The following CD99 variants were observed in gnomAD, a reference collection of about 807,000 sequenced individuals.
The protein encoded by CD99 is CD99 antigen.
A neutral mutation model predicts 28.4 loss-of-function variants in CD99; 19 were observed. That is an observed-to-expected ratio of 0.67 (90% CI 0.47 to 0.98). CD99 has a LOEUF of 0.98. Ranked by LOEUF, CD99 falls within the 50% of genes least tolerant of loss-of-function variation. The pLI, the probability that CD99 is intolerant of heterozygous loss-of-function variation, is 0.00. For synonymous variants in CD99, 103 were observed against 92.1 expected, an observed-to-expected ratio of 1.12 and a Z score of -0.67; for missense variants, 283 against 248.8, an observed-to-expected ratio of 1.14 and a Z score of -0.92.
At position 2,712,430 on chromosome X, in the gene CD99, AT is replaced by A. The variant is rs199515005; in HGVS notation, c.68-1991del. Among the ~76,000 whole-genome samples the A allele has an allele frequency of 4.0e-4, 60 of 150,118 alleles. No homozygotes were observed. In the East Asian group the frequency reaches 8.0e-3, roughly 20 times the overall value. On this transcript the variant is annotated intron_variant, in intron 1 of 9. Transcript: ENST00000381192. ...GGTAAGATGTAAATAAAGAAAAAAAATACTTCAAAAAATACAATTACAGATT... is the reference window on the plus strand; with the variant it reads ...GGTAAGATGTAAATAAAGAAAAAAAAACTTCAAAAAATACAATTACAGATT...
At chrX:2,702,988 C>T (rs1247671316) in intron 1 of CD99, among the ~76,000 whole-genome samples, 2 of 151,994 alleles carry the variant, frequency 1.3e-5, no homozygotes, top group Admixed American at 6.6e-5. Flanking sequence ...GGGGTTTCAC[C>T]GTGTTGGCCA....
At chrX:2,700,702 C>T (rs1351752031) in intron 1 of CD99, among the ~76,000 whole-genome samples, 1 of 152,022 alleles carries the variant, frequency 6.6e-6, no homozygotes, top group East Asian at 1.9e-4. Flanking sequence ...CATCCAGCCA[C>T]TCATCAATTG....
intron 1 of CD99, among the ~76,000 whole-genome samples, chrX:2,705,042 G>A (rs2048052743): frequency 6.6e-6 from 1 of 152,212 alleles, no homozygotes; most frequent in African/African-American, 2.4e-5. Flanking sequence ...AAGCTAAGAA[G>A]ACAGAGAGAC....
chrX:2,730,514 T>A (rs2049544413), intron 8 of CD99, among the ~76,000 whole-genome samples: 1 of 152,112 alleles, frequency 6.6e-6, no homozygotes, highest in Non-Finnish European at 1.5e-5. Flanking sequence ...TCTGAAGAAT[T>A]GGCTCAGGGG....
chrX:2,727,776 C>T (rs931572467), intron 8 of CD99, among the ~76,000 whole-genome samples: 2 of 152,128 alleles, frequency 1.3e-5, no homozygotes, highest in African/African-American at 4.8e-5. Context: ...CACACCTGGC[C>T]AACAGCTACT....
intron 9 of CD99, among the ~76,000 whole-genome samples, 196 bp downstream of exon 9, chrX:2,738,452 G>A (rs2050054513): frequency 6.6e-6 from 1 of 152,154 alleles, no homozygotes; most frequent in Non-Finnish European, 1.5e-5. Context: ...TAGGGCCTGG[G>A]CCTTCAGAGA....
intron 1 of CD99, among the ~76,000 whole-genome samples, chrX:2,698,914 G>C (rs1430556956): frequency 6.6e-6 from 1 of 151,270 alleles, no homozygotes; most frequent in East Asian, 2.0e-4. Context: ...GTTTATAGAC[G>C]TGTTAGGTGT....
chrX:2,700,457 C>T (rs777567968), intron 1 of CD99, among the ~76,000 whole-genome samples: 1 of 152,006 alleles, frequency 6.6e-6, no homozygotes, highest in Admixed American at 6.5e-5. Flanking sequence ...CCCATCCATC[C>T]GTTCGTCCAT....
Position 2,699,812 on chromosome X carries a change from A to G in CD99, c.67+8385A>G, listed in dbSNP as rs1347913713. Among the ~76,000 whole-genome samples the G allele has an allele frequency of 3.3e-5, 5 of 152,306 alleles. No individual in the cohort carries two copies. In the East Asian group the frequency reaches 9.6e-4, roughly 29 times the overall value. On this transcript the variant is annotated intron_variant, in intron 1 of 9. Transcript: ENST00000381192. ...GTCTTCATGTGTGGCTGAGTTGTCA[A>G]GAATCATTGTTATTTTACTAGATAT... is the stretch of plus-strand genomic sequence containing the variant.
chrX:2,718,718 G>C (rs2048858903), intron 3 of CD99, among the ~76,000 whole-genome samples: 1 of 152,126 alleles, frequency 6.6e-6, no homozygotes, highest in Non-Finnish European at 1.5e-5. Flanking sequence ...CCACGTGATG[G>C]AATTGCCCAA....
chrX:2,710,437 T>G (rs1312834222), intron 1 of CD99, among the ~76,000 whole-genome samples: 1 of 152,176 alleles, frequency 6.6e-6, no homozygotes, highest in African/African-American at 2.4e-5. Context: ...GATCATCTTC[T>G]GTTTATGAGG....
At chrX:2,737,053 G>T (rs1001294802) in intron 8 of CD99, among the ~76,000 whole-genome samples, 2 of 152,098 alleles carry the variant, frequency 1.3e-5, no homozygotes, top group South Asian at 2.1e-4. Context: ...GAGGTAGAAG[G>T]GGGGACAGGA....
chrX:2,735,752 C>A (rs1046950808), intron 8 of CD99, among the ~76,000 whole-genome samples: 1 of 152,110 alleles, frequency 6.6e-6, no homozygotes, highest in Non-Finnish European at 1.5e-5. Flanking sequence ...CGGATCATTT[C>A]GAATGTTCTT....
chrX:2,740,877 G>A lies in CD99; in HGVS notation c.*73G>A. ...AGCTGCCTGAGGCTCCTCCCTGAAGGACACCTGCCTGAGAGCAGAGATGGA... is the reference window on the plus strand; with the variant it reads ...AGCTGCCTGAGGCTCCTCCCTGAAGAACACCTGCCTGAGAGCAGAGATGGA... On this transcript the variant is annotated 3_prime_UTR_variant, in exon 10 of 10. Coordinates refer to ENST00000381192, the MANE Select transcript of CD99 (RefSeq NM_002414.5). 3 of 1,529,624 alleles carry A rather than the reference G, an allele frequency of 2.0e-6. No homozygotes were observed. Among genetic ancestry groups the A allele is most frequent in the Non-Finnish European group, 2.7e-6 (3 of 1,102,910 alleles). 94.8% of individuals were successfully genotyped at this position (1,529,624 alleles called of 1,614,324 possible).
At chrX:2,722,814 G>A (rs1179723759) in intron 6 of CD99, 140 bp downstream of exon 6, 20 of 926,386 alleles carry the variant, frequency 2.2e-5, no homozygotes, top group South Asian at 4.0e-5. Context: ...TGGGAACTCC[G>A]CCTGTTTGCT....
chrX:2,693,150 G>GTGGGT (rs770862071), intron 1 of CD99, among the ~76,000 whole-genome samples: 2 of 147,086 alleles, frequency 1.4e-5, no homozygotes, highest in African/African-American at 5.0e-5. Flanking sequence ...GGTGGTGGTG[G>GTGGGT]TTTTTTTTTT....
At chrX:2,699,045 G>T (rs1453685688) in intron 1 of CD99, among the ~76,000 whole-genome samples, 1 of 151,938 alleles carries the variant, frequency 6.6e-6, no homozygotes, top group African/African-American at 2.4e-5. Flanking sequence ...ACCTACCTCA[G>T]CCTCGAAAGA....
intron 1 of CD99, among the ~76,000 whole-genome samples, chrX:2,699,757 A>G (rs1358786076): frequency 6.6e-6 from 1 of 152,092 alleles, no homozygotes; most frequent in East Asian, 1.9e-4. Flanking sequence ...GCATCCCGCT[A>G]TTAGGAATTT....
At chrX:2,719,727 C>T in intron 4 of CD99, 22 bp downstream of exon 4, 5 of 1,608,154 alleles carry the variant, frequency 3.1e-6, no homozygotes, top group African/African-American at 2.7e-5. Flanking sequence ...CCTTTAATCT[C>T]TTCTGCTGCT....
Sources: gnomAD v4.1 joint callset for allele counts (sites outside exome capture counted in the v4.1 genomes callset) on GRCh38, gnomAD v4.1.1 for gene constraint, MANE v1.5 for transcripts, NCBI Gene and HGNC (gene_info 2026-07-23, HGNC 2026-07-21) for gene names.